CNTNAP2: variants seen among roughly 807,000 people sequenced by gnomAD.
CNTNAP2 encodes contactin associated protein 2.
In CNTNAP2, 98 loss-of-function variants were observed where a neutral mutation model predicts 155.2. The observed-to-expected ratio is 0.63, with a 90% confidence interval of 0.54 to 0.75. The LOEUF is 0.75. Among genes scored for constraint, CNTNAP2 ranks in the 30% least tolerant of loss-of-function variants. The pLI is 0.00. For synonymous variants in CNTNAP2, 651 were observed against 631.2 expected, an observed-to-expected ratio of 1.03 and a Z score of -0.47; for missense variants, 1,727 against 1,688.1, an observed-to-expected ratio of 1.02 and a Z score of -0.40.
At chr7:147,209,310 T>C (rs1360571107) in intron 8 of CNTNAP2, among the ~76,000 whole-genome samples, 1 of 152,054 alleles carries the variant, frequency 6.6e-6, no homozygotes. Flanking sequence ...GATCTTTCAC[T>C]TCCTTGGTTA....
intron 2 of CNTNAP2, among the ~76,000 whole-genome samples, chr7:146,799,626 T>C (rs1196050271): frequency 6.6e-6 from 1 of 152,262 alleles, no homozygotes; most frequent in Admixed American, 6.5e-5. Context: ...GTGAAAATAC[T>C]GTAGCTATAC....
At chr7:148,046,168 C>A (rs538649233) in intron 15 of CNTNAP2, among the ~76,000 whole-genome samples, 1 of 152,210 alleles carries the variant, frequency 6.6e-6, no homozygotes, top group East Asian at 1.9e-4. Context: ...GCAGCCTCAA[C>A]CTCCTGGGCT....
intron 10 of CNTNAP2, among the ~76,000 whole-genome samples, chr7:147,462,872 G>A (rs573777965): frequency 5.9e-5 from 9 of 152,218 alleles, no homozygotes; most frequent in East Asian, 1.9e-4. Context: ...TCCGCCTCCC[G>A]GGTTCACGTG....
At chr7:147,465,933 A>G (rs370579710) in intron 10 of CNTNAP2, among the ~76,000 whole-genome samples, 1 of 57,770 alleles carries the variant, frequency 1.7e-5, no homozygotes, top group Non-Finnish European at 3.2e-5. Context: ...AATTGTATCT[A>G]ATGTGTGTGT....
intron 8 of CNTNAP2, among the ~76,000 whole-genome samples, chr7:147,174,752 A>G (rs1271443223): frequency 3.9e-5 from 6 of 152,170 alleles, no homozygotes; most frequent in South Asian, 2.1e-4. Context: ...TGATACATCA[A>G]GAGAGAATAT....
intron 12 of CNTNAP2, among the ~76,000 whole-genome samples, chr7:147,607,345 G>A (rs1418345960): frequency 6.6e-6 from 1 of 152,032 alleles, no homozygotes; most frequent in Non-Finnish European, 1.5e-5. Flanking sequence ...ACACTGTGGG[G>A]TATTGTTTTG....
At chr7:147,681,335 T>A (rs1333330040) in intron 13 of CNTNAP2, among the ~76,000 whole-genome samples, 2 of 151,980 alleles carry the variant, frequency 1.3e-5, no homozygotes, top group Non-Finnish European at 2.9e-5. Flanking sequence ...ATATCATTCT[T>A]CCTGAAACAC....
chr7:147,851,010 T>A lies in CNTNAP2; in HGVS notation c.2099-52555T>A, dbSNP rs928534473. The stretch of plus-strand genomic sequence containing the variant: ...AACCTACAGAATGGGAAAAAATTTT[T>A]GCAATCTACCCATCTGACAAAGGGC... On this transcript the variant is annotated intron_variant, in intron 13 of 23. Transcript: ENST00000361727. Among the ~76,000 whole-genome samples, 5 of 152,314 alleles carry A rather than the reference T, an allele frequency of 3.3e-5. No individual in the cohort carries two copies. In the East Asian group the frequency reaches 9.6e-4, roughly 29 times the overall value.
intron 13 of CNTNAP2, among the ~76,000 whole-genome samples, chr7:147,868,573 C>T (rs1350703819): frequency 6.6e-6 from 1 of 152,244 alleles, no homozygotes; most frequent in Non-Finnish European, 1.5e-5. Context: ...GCCCTGCCCA[C>T]AGAGGTGGAG....
intron 4 of CNTNAP2, among the ~76,000 whole-genome samples, chr7:147,105,279 G>A (rs1359920936): frequency 6.6e-6 from 1 of 151,810 alleles, no homozygotes; most frequent in African/African-American, 2.4e-5. Flanking sequence ...GATGAATTGG[G>A]CATATTACCA....
chr7:148,289,672 A>G (rs1010260223), intron 21 of CNTNAP2, among the ~76,000 whole-genome samples: 1 of 152,214 alleles, frequency 6.6e-6, no homozygotes, highest in Admixed American at 6.5e-5. Context: ...AAAATAGCCA[A>G]TCATGCTGAT....
chr7:146,363,510 GA>G (rs1795114299), intron 1 of CNTNAP2, among the ~76,000 whole-genome samples: 1 of 152,160 alleles, frequency 6.6e-6, no homozygotes, highest in African/African-American at 2.4e-5. Context: ...GTAGAATGAT[GA>G]AACTGTCAAA....
chr7:147,426,391 A>T (rs1407155919), intron 10 of CNTNAP2, among the ~76,000 whole-genome samples: 2 of 152,128 alleles, frequency 1.3e-5, no homozygotes, highest in African/African-American at 4.8e-5. Context: ...ATTGGATATG[A>T]TCATTATAAA....
chr7:147,994,107 C>T (rs896392615), intron 15 of CNTNAP2, among the ~76,000 whole-genome samples: 3 of 152,176 alleles, frequency 2.0e-5, no homozygotes, highest in African/African-American at 7.2e-5. Context: ...CATTGGCTCA[C>T]ACCTGTAACC....
chr7:147,333,659 A>G (rs187727690), intron 9 of CNTNAP2, among the ~76,000 whole-genome samples: 1 of 152,314 alleles, frequency 6.6e-6, no homozygotes, highest in African/African-American at 2.4e-5. Context: ...TCATATTTTT[A>G]ATAATCCTAT....
chr7:147,291,148 A>T (rs10256646), intron 8 of CNTNAP2, among the ~76,000 whole-genome samples: 3 of 151,086 alleles, frequency 2.0e-5, no homozygotes, highest in Non-Finnish European at 4.4e-5. Flanking sequence ...TGATTTTTTT[A>T]TTCTTTTTTT....
At chr7:146,274,681 A>G (rs1800136276) in intron 1 of CNTNAP2, among the ~76,000 whole-genome samples, 1 of 152,132 alleles carries the variant, frequency 6.6e-6, no homozygotes, top group Non-Finnish European at 1.5e-5. Flanking sequence ...TCGGTTTTCC[A>G]TGGATGAAGA....
At chr7:147,824,535 A>G (rs1047923627) in intron 13 of CNTNAP2, among the ~76,000 whole-genome samples, 2 of 152,142 alleles carry the variant, frequency 1.3e-5, no homozygotes, top group Non-Finnish European at 2.9e-5. Context: ...TAAATCTCAC[A>G]TCAGAAGGAA....
intron 10 of CNTNAP2, among the ~76,000 whole-genome samples, chr7:147,464,642 A>AT (rs1178357103): frequency 6.6e-6 from 1 of 152,048 alleles, no homozygotes; most frequent in Non-Finnish European, 1.5e-5. Flanking sequence ...CTAGCTCTAA[A>AT]TTTTACCACT....
Sources: allele counts gnomAD v4.1 joint callset (sites outside exome capture counted in the v4.1 genomes callset), GRCh38; gene constraint gnomAD v4.1.1; transcripts MANE v1.5; gene names NCBI Gene and HGNC (gene_info 2026-07-23, HGNC 2026-07-21).